The following PTPN9 variants were observed in gnomAD, a reference collection of about 807,000 sequenced individuals.
PTPN9 encodes tyrosine-protein phosphatase non-receptor type 9.
A neutral mutation model predicts 69.8 loss-of-function variants in PTPN9; 26 were observed. The ratio of observed to expected loss-of-function variants is 0.37; its 90% CI spans 0.27 to 0.52. The LOEUF is 0.52. Among genes scored for constraint, PTPN9 ranks in the 20% least tolerant of loss-of-function variants. The pLI is 0.91. For missense variants in PTPN9, 549 were observed against 740.3 expected (o/e 0.74, Z 3.00); for synonymous variants, 274 against 272.5 (o/e 1.01, Z -0.05).
At chr15:75,570,038 C>T (rs2141345215) in intron 1 of PTPN9, among the ~76,000 whole-genome samples, 1 of 152,128 alleles carries the variant, frequency 6.6e-6, no homozygotes, top group South Asian at 2.1e-4. Flanking sequence ...CCAGGATGGT[C>T]TTGATCTCTT....
At chr15:75,479,323 T>A (rs1257695608) in intron 9 of PTPN9, among the ~76,000 whole-genome samples, 1 of 151,836 alleles carries the variant, frequency 6.6e-6, no homozygotes, top group Non-Finnish European at 1.5e-5. Flanking sequence ...GAAAAAAAAA[T>A]GAGAAATCCT....
intron 1 of PTPN9, among the ~76,000 whole-genome samples, chr15:75,539,812 C>T (rs2075000665): frequency 6.9e-6 from 1 of 145,634 alleles, no homozygotes; most frequent in African/African-American, 2.6e-5. Flanking sequence ...GCTGGGATTA[C>T]AGGCGCGCAC....
At chr15:75,532,134 C>G (rs535353715) in intron 1 of PTPN9, among the ~76,000 whole-genome samples, 1 of 152,104 alleles carries the variant, frequency 6.6e-6, no homozygotes, top group Non-Finnish European at 1.5e-5. Flanking sequence ...CACAGTGGCT[C>G]GCCCCTGTAA....
chr15:75,505,155 T>G (rs904691233), intron 7 of PTPN9, among the ~76,000 whole-genome samples: 16 of 151,542 alleles, frequency 1.1e-4, no homozygotes, highest in African/African-American at 3.9e-4. Context: ...TCGGTGACCT[T>G]ACCCCCAACC....
intron 7 of PTPN9, among the ~76,000 whole-genome samples, chr15:75,503,029 C>G (rs999520141): frequency 1.3e-5 from 2 of 152,076 alleles, no homozygotes; most frequent in Non-Finnish European, 2.9e-5. Flanking sequence ...CCCAAAGTGC[C>G]GAGATTGCAG....
chr15:75,516,541 T>C (rs2074870564), intron 5 of PTPN9, among the ~76,000 whole-genome samples: 1 of 151,452 alleles, frequency 6.6e-6, no homozygotes, highest in Non-Finnish European at 1.5e-5. Flanking sequence ...CTTGATCTCC[T>C]GACCTCGTGA....
At chr15:75,535,111 C>T (rs2074977544) in intron 1 of PTPN9, among the ~76,000 whole-genome samples, 1 of 151,764 alleles carries the variant, frequency 6.6e-6, no homozygotes, top group African/African-American at 2.4e-5. Context: ...ATTCTCCTGC[C>T]TCAGCCTCCT....
At chr15:75,530,390 TTA>T (rs1234065519) in intron 1 of PTPN9, among the ~76,000 whole-genome samples, 3 of 120,488 alleles carry the variant, frequency 2.5e-5, no homozygotes, top group African/African-American at 9.5e-5. Context: ...ATATATTACA[TTA>T]TATATATTAC....
intron 5 of PTPN9, among the ~76,000 whole-genome samples, chr15:75,510,290 GGCT>G (rs771875314): frequency 1.3e-5 from 2 of 152,130 alleles, no homozygotes; most frequent in Non-Finnish European, 2.9e-5. Context: ...CTGTTGCCCA[GGCT>G]GGAGTGCAGT....
rs772589666 is a variant in PTPN9, at chr15:75,468,992, G to C, written c.1568-9C>G. On this transcript the variant is annotated splice_polypyrimidine_tract_variant and intron_variant, in intron 12 of 12. Transcript: ENST00000618819. ...CAGTGAGCAGAAGGTACCTGAAGAA[G>C]GAAGGAAGTGATCACATCTGGTTTA... 7 of 1,604,340 alleles carry C rather than the reference G, an allele frequency of 4.4e-6. No homozygotes were observed. Among genetic ancestry groups the C allele is most frequent in the Non-Finnish European group, 6.0e-6 (7 of 1,171,910 alleles).
intron 1 of PTPN9, among the ~76,000 whole-genome samples, chr15:75,529,423 C>T (rs1052728648): frequency 2.0e-5 from 3 of 152,130 alleles, no homozygotes; most frequent in Non-Finnish European, 4.4e-5. Context: ...TTTAACCATA[C>T]CTCTATTCCC....
intron 5 of PTPN9, 127 bp from the exon 6 acceptor site, chr15:75,509,154 G>C: frequency 1.5e-6 from 1 of 665,004 alleles, no homozygotes; most frequent in East Asian, 2.7e-5. Flanking sequence ...ATTCAGGTTT[G>C]ATCTCAGCAG....
Position 75,465,648 on chromosome 15 carries a change from A to G in PTPN9, c.*3121T>C, listed in dbSNP as rs1020751769. The G allele has an allele frequency of 5.3e-5, 8 of 152,208 alleles. No individual in the cohort carries two copies. Among genetic ancestry groups the G allele is most frequent in the African/African-American group, 1.9e-4 (8 of 41,452 alleles). 9.4% of individuals were successfully genotyped at this position (152,208 alleles called of 1,614,324 possible). ...CTCTATAGGGTCAGAAACATGAACT[A>G]AATCTATGGTTCCCAAACCTGGATA... On this transcript the variant is annotated 3_prime_UTR_variant, in exon 13 of 13. Transcript: ENST00000618819.
At chr15:75,491,033 C>T (rs1951787150) in intron 7 of PTPN9, among the ~76,000 whole-genome samples, 1 of 152,006 alleles carries the variant, frequency 6.6e-6, no homozygotes, top group African/African-American at 2.4e-5. Context: ...GGCTTCAGCC[C>T]AGGAAGTCAA....
intron 1 of PTPN9, among the ~76,000 whole-genome samples, 172 bp from the exon 2 acceptor site, chr15:75,527,433 A>C (rs1275022354): frequency 6.6e-6 from 1 of 152,194 alleles, no homozygotes; most frequent in Non-Finnish European, 1.5e-5. Flanking sequence ...AACCAGACAT[A>C]GTTAAAATTT....
intron 1 of PTPN9, among the ~76,000 whole-genome samples, chr15:75,568,362 T>C (rs1391562537): frequency 2.0e-5 from 3 of 151,304 alleles, no homozygotes; most frequent in Non-Finnish European, 4.4e-5. Flanking sequence ...TAACTGGGCA[T>C]GGTGGTGTGG....
rs1464225297 is a variant in PTPN9, at chr15:75,505,959, C to T, written c.684G>A (p.Arg228=). The T allele has an allele frequency of 6.2e-7, 1 of 1,613,968 alleles. No homozygotes were observed. ...KTSEVTQHLP[R]ECLPENLGGY... Reference sequence around the variant, plus strand: ...CACCCAGGTTTTCTGGAAGACACTCCCTGGGCAGATGCTGCGTGACCTCAG... The same window carrying T: ...CACCCAGGTTTTCTGGAAGACACTCTCTGGGCAGATGCTGCGTGACCTCAG... The change falls in exon 7 of 13, where the codon AGG becomes AGA. Residue 228 remains arginine, a synonymous_variant. Transcript: ENST00000618819.
At chr15:75,562,606 T>C (rs948648840) in intron 1 of PTPN9, among the ~76,000 whole-genome samples, 1 of 151,568 alleles carries the variant, frequency 6.6e-6, no homozygotes, top group Non-Finnish European at 1.5e-5. Flanking sequence ...CCGAGGCGGG[T>C]GGATCACGAG....
intron 7 of PTPN9, among the ~76,000 whole-genome samples, chr15:75,504,607 T>C (rs2074804503): frequency 1.6e-5 from 2 of 127,084 alleles, no homozygotes; most frequent in Non-Finnish European, 1.7e-5. Context: ...GGAGCCCCTC[T>C]GCCCGGCCAG....
Sources: gnomAD v4.1 joint callset for allele counts (sites outside exome capture counted in the v4.1 genomes callset) on GRCh38, gnomAD v4.1.1 for gene constraint, MANE v1.5 for transcripts, NCBI Gene and HGNC (gene_info 2026-07-23, HGNC 2026-07-21) for gene names.